The following PARD3B variants were observed in gnomAD, a reference collection of about 807,000 sequenced individuals.
The protein encoded by PARD3B is par-3 family cell polarity regulator beta.
PARD3B carries 103 observed loss-of-function variants against 130.2 expected under a neutral mutation model. That is an observed-to-expected ratio of 0.79 (90% CI 0.67 to 0.93). The LOEUF (loss-of-function observed/expected upper bound fraction) is 0.93, where lower values mean the gene tolerates loss of function less well. PARD3B is among the 40% of genes least tolerant of loss of function. PARD3B has a pLI of 0.00. For synonymous variants in PARD3B, 583 were observed against 553.2 expected (o/e 1.05, Z -0.76); for missense variants, 1,609 against 1,499.2 (o/e 1.07, Z -1.21).
At chr2:204,954,530 C>G (rs899769494) in intron 2 of PARD3B, among the ~76,000 whole-genome samples, 8 of 152,180 alleles carry the variant, frequency 5.3e-5, no homozygotes, top group African/African-American at 1.9e-4. Flanking sequence ...AATGTAGTAC[C>G]AATTAATCAC....
rs749853006 is a variant in PARD3B, at chr2:205,172,357, G to C, written c.1767G>C (p.Leu589=). ...GAGGGATGATCCAGTTGGTGATTCT[G>C]AGGAGGCCAGAGAGACCAATGGAGG... The part of the protein sequence containing the change: ...NIRGMIQLVI[L]RRPERPMEDP... The change falls in exon 12 of 23, where the codon CTG becomes CTC. Residue 589 remains leucine, a synonymous_variant. Transcript: ENST00000406610. The C allele has an allele frequency of 6.8e-6, 11 of 1,613,898 alleles. No homozygotes were observed. Among genetic ancestry groups the C allele is most frequent in the Non-Finnish European group, 9.3e-6 (11 of 1,179,950 alleles).
chr2:204,931,940 A>G (rs557626936), intron 2 of PARD3B, among the ~76,000 whole-genome samples: 1 of 152,184 alleles, frequency 6.6e-6, no homozygotes, highest in South Asian at 2.1e-4. Context: ...TTTGATTATG[A>G]GCAGTATTTA....
At position 204,974,703 on chromosome 2, in the gene PARD3B, A is replaced by C. The variant is rs543810355; in HGVS notation, c.394+9380A>C. 3.9e-5 allele frequency among the ~76,000 whole-genome samples: 6 copies of C among 152,362 alleles called. No individual in the cohort carries two copies. The South Asian group carries it at 1.2e-3, about 32-fold the overall frequency. On this transcript the variant is annotated intron_variant, in intron 3 of 22. Coordinates refer to ENST00000406610, the MANE Select transcript of PARD3B (RefSeq NM_001302769.2). ...GACCTCAAGACTTTAGCTTGGTGTT[A>C]CAGTGAACTGCCCTTACGGCAGAGT...
At position 205,458,786 on chromosome 2, in the gene PARD3B, A is replaced by G. The variant is rs1256325622; in HGVS notation, c.3044+18114A>G. The stretch of plus-strand genomic sequence containing the variant: ...ATATTTTTGATCAAATGCTAGACAC[A>G]GTCCTTGAAAAGCTGTAGAAATCTC... On this transcript the variant is annotated intron_variant, in intron 20 of 22. Coordinates refer to ENST00000406610, the MANE Select transcript of PARD3B (RefSeq NM_001302769.2). The surrounding 1 kb of genome is among the most constrained non-coding windows in gnomAD (Gnocchi z 4.8). Among the ~76,000 whole-genome samples the G allele has an allele frequency of 6.6e-6, 1 of 152,166 alleles. No individual in the cohort carries two copies. The highest frequency in any genetic ancestry group is 1.9e-4 in the East Asian group (1 of 5,198).
intron 22 of PARD3B, among the ~76,000 whole-genome samples, chr2:205,561,498 C>A (rs989655648): frequency 6.6e-6 from 1 of 152,162 alleles, no homozygotes; most frequent in Non-Finnish European, 1.5e-5. Flanking sequence ...CTTCTCTGTA[C>A]AACAAGTACT....
chr2:204,612,009 T>C (rs1280758738), intron 1 of PARD3B, among the ~76,000 whole-genome samples: 1 of 152,224 alleles, frequency 6.6e-6, no homozygotes, highest in Non-Finnish European at 1.5e-5. Flanking sequence ...AATATGCATC[T>C]GTTGCATTTT....
chr2:204,569,060 T>A (rs11890980), intron 1 of PARD3B, among the ~76,000 whole-genome samples: 5,238 of 152,132 alleles, frequency 0.034, 255 homozygotes, highest in East Asian at 0.14. Context: ...AGCATTTAAA[T>A]AAGCTTATTT....
At chr2:204,656,337 A>G (rs1427728066) in intron 1 of PARD3B, among the ~76,000 whole-genome samples, 3 of 150,940 alleles carry the variant, frequency 2.0e-5, no homozygotes, top group African/African-American at 7.4e-5. Flanking sequence ...TTGAATACAG[A>G]TATATGGAAG....
chr2:205,310,955 C>T (rs2042367142), intron 18 of PARD3B, among the ~76,000 whole-genome samples: 1 of 152,042 alleles, frequency 6.6e-6, no homozygotes, highest in Admixed American at 6.6e-5. Context: ...AATTCCTGAC[C>T]TCGTGATCTG....
chr2:205,113,800 AT>A (rs1365848469), intron 6 of PARD3B, among the ~76,000 whole-genome samples: 1 of 152,182 alleles, frequency 6.6e-6, no homozygotes, highest in African/African-American at 2.4e-5. Flanking sequence ...TCCATTTACA[AT>A]TAATTATGAA....
chr2:205,380,771 AATAT>A (rs2045356997), intron 18 of PARD3B, among the ~76,000 whole-genome samples: 1 of 101,272 alleles, frequency 9.9e-6, no homozygotes, highest in Non-Finnish European at 1.7e-5. Flanking sequence ...GAATATATAT[AATAT>A]ATAAAGAATA....
At chr2:204,923,637 A>G (rs1158683754) in intron 2 of PARD3B, among the ~76,000 whole-genome samples, 9 of 152,056 alleles carry the variant, frequency 5.9e-5, no homozygotes, top group Non-Finnish European at 2.9e-5. Context: ...GGTGGAAGAA[A>G]AAAGATTGAG....
At chr2:204,789,498 C>T (rs2042125476) in intron 2 of PARD3B, among the ~76,000 whole-genome samples, 2 of 152,162 alleles carry the variant, frequency 1.3e-5, no homozygotes, top group Admixed American at 1.3e-4. Context: ...TAAAATCCAT[C>T]AGAAGTAGTA....
At chr2:205,090,466 A>G (rs1317256533) in intron 4 of PARD3B, among the ~76,000 whole-genome samples, 2 of 152,200 alleles carry the variant, frequency 1.3e-5, no homozygotes, top group Non-Finnish European at 2.9e-5. Context: ...AAATATTTAC[A>G]ACAGTTTCTC....
chr2:204,868,307 T>C (rs2045503385), intron 2 of PARD3B, among the ~76,000 whole-genome samples: 1 of 152,190 alleles, frequency 6.6e-6, no homozygotes, highest in Non-Finnish European at 1.5e-5. Flanking sequence ...TATTTAACCT[T>C]CACCACAATT....
chr2:205,110,891 A>T (rs1184671869), intron 5 of PARD3B, among the ~76,000 whole-genome samples: 2 of 152,064 alleles, frequency 1.3e-5, no homozygotes, highest in Non-Finnish European at 2.9e-5. Flanking sequence ...TCACTTTATG[A>T]GATATGTCGT....
At chr2:205,566,852 A>G (rs867852091) in intron 22 of PARD3B, among the ~76,000 whole-genome samples, 1 of 152,244 alleles carries the variant, frequency 6.6e-6, no homozygotes, top group African/African-American at 2.4e-5. Flanking sequence ...TGGCTGTGAC[A>G]TGCCTTCACT....
Position 205,193,324 on chromosome 2 carries a change from A to G in PARD3B, c.2140+4A>G. On this transcript the variant is annotated splice_donor_region_variant and intron_variant, in intron 15 of 22. Coordinates refer to ENST00000406610, the MANE Select transcript of PARD3B (RefSeq NM_001302769.2). ...GCCTCGAAGAGCATGGACCTTGGTA[A>G]GCAAGGGTGAGGTGACATCCAGGTC... The G allele has an allele frequency of 1.3e-6, 2 of 1,584,426 alleles. No individual in the cohort carries two copies. The highest frequency in any genetic ancestry group is 1.7e-6 in the Non-Finnish European group (2 of 1,153,014).
chr2:204,980,767 A>G (rs188870104), intron 3 of PARD3B, among the ~76,000 whole-genome samples: 1 of 152,324 alleles, frequency 6.6e-6, no homozygotes, highest in African/African-American at 2.4e-5. Flanking sequence ...GTCATGAACA[A>G]CAAGGAAAGA....
Sources: allele counts gnomAD v4.1 joint callset (sites outside exome capture counted in the v4.1 genomes callset), GRCh38; gene constraint gnomAD v4.1.1; non-coding constraint Gnocchi (gnomAD v3.1); transcripts MANE v1.5; gene names NCBI Gene and HGNC (gene_info 2026-07-23, HGNC 2026-07-21).